The following PRKD1 variants were observed in gnomAD, a reference collection of about 807,000 sequenced individuals.
PRKD1 encodes serine/threonine-protein kinase D1.
Under a neutral mutation model 95.9 loss-of-function variants are expected in PRKD1, and 63 were observed. The observed-to-expected ratio is 0.66, with a 90% confidence interval of 0.54 to 0.81. The LOEUF (loss-of-function observed/expected upper bound fraction) is 0.81, where lower values mean the gene tolerates loss of function less well. PRKD1 is among the 30% of genes least tolerant of loss of function. The pLI, the probability that PRKD1 is intolerant of heterozygous loss-of-function variation, is 0.00. For missense variants in PRKD1, 1,048 were observed against 1,165.3 expected (o/e 0.90, Z 1.47); for synonymous variants, 425 against 423.1 (o/e 1.00, Z -0.05).
chr14:29,876,197 C>G (rs10141687), intron 1 of PRKD1, among the ~76,000 whole-genome samples: 5,305 of 152,276 alleles, frequency 0.035, 116 homozygotes, highest in East Asian at 0.061. Context: ...CAAAAACAGT[C>G]AGTGTCCCTG....
intron 1 of PRKD1, among the ~76,000 whole-genome samples, chr14:29,743,472 A>G (rs1399063394): frequency 6.6e-6 from 1 of 152,094 alleles, no homozygotes; most frequent in African/African-American, 2.4e-5. Context: ...GCAGAGAACC[A>G]AAAAAAATTT....
At chr14:29,676,776 A>G (rs1267149183) in intron 2 of PRKD1, among the ~76,000 whole-genome samples, 2 of 152,216 alleles carry the variant, frequency 1.3e-5, no homozygotes, top group African/African-American at 4.8e-5. Context: ...GATTTAGAGT[A>G]GGACATGGAC....
At chr14:29,861,905 G>A (rs531660547) in intron 1 of PRKD1, among the ~76,000 whole-genome samples, 2 of 152,210 alleles carry the variant, frequency 1.3e-5, no homozygotes, top group Middle Eastern at 3.4e-3. Context: ...ACCCACCTTG[G>A]CCTCCCAAAG....
At chr14:29,677,578 GTTGT>G (rs1467424599) in intron 2 of PRKD1, among the ~76,000 whole-genome samples, 1 of 152,052 alleles carries the variant, frequency 6.6e-6, no homozygotes, top group Admixed American at 6.5e-5. Flanking sequence ...GTTTTTTGTT[GTTGT>G]TTGTTTGTTT....
At chr14:29,918,527 T>C (rs1191531696) in intron 1 of PRKD1, among the ~76,000 whole-genome samples, 1 of 152,202 alleles carries the variant, frequency 6.6e-6, no homozygotes, top group Non-Finnish European at 1.5e-5. Context: ...ATACTTGCCG[T>C]AACACAAGTG....
intron 16 of PRKD1, among the ~76,000 whole-genome samples, chr14:29,581,041 CA>C (rs915824868): frequency 2.2e-3 from 300 of 137,328 alleles, no homozygotes; most frequent in Middle Eastern, 3.7e-3. Context: ...CTACTCAAAG[CA>C]AAAAAAAAAA....
At chr14:29,614,503 T>C (rs1878708854) in intron 13 of PRKD1, among the ~76,000 whole-genome samples, 1 of 152,182 alleles carries the variant, frequency 6.6e-6, no homozygotes, top group African/African-American at 2.4e-5. Flanking sequence ...TTTAATTCGA[T>C]TTCATTAAAT....
chr14:29,853,989 A>C (rs1892406904), intron 1 of PRKD1, among the ~76,000 whole-genome samples: 1 of 152,214 alleles, frequency 6.6e-6, no homozygotes, highest in Non-Finnish European at 1.5e-5. Flanking sequence ...CTGTAAGTCC[A>C]TTAAACCTCT....
chr14:29,630,136 T>C (rs1367319302), intron 10 of PRKD1, among the ~76,000 whole-genome samples: 1 of 151,808 alleles, frequency 6.6e-6, no homozygotes, highest in Non-Finnish European at 1.5e-5. Flanking sequence ...TGAAGCTGGC[T>C]AGATTTCTCC....
chr14:29,726,240 T>A (rs965670480), intron 1 of PRKD1, among the ~76,000 whole-genome samples: 5 of 152,176 alleles, frequency 3.3e-5, no homozygotes, highest in Non-Finnish European at 7.4e-5. Context: ...CTTCTGCTGC[T>A]GCCCCTACTG....
chr14:29,763,263 C>T (rs1193948653), intron 1 of PRKD1, among the ~76,000 whole-genome samples: 1 of 148,698 alleles, frequency 6.7e-6, no homozygotes. Flanking sequence ...TGCCCCTGCA[C>T]TCCAACCTGG....
intron 1 of PRKD1, among the ~76,000 whole-genome samples, chr14:29,746,601 T>C (rs915182013): frequency 2.6e-5 from 4 of 152,018 alleles, no homozygotes; most frequent in Non-Finnish European, 4.4e-5. Context: ...GGAGCGACTG[T>C]GTGTGTGCTT....
chr14:29,780,494 T>G (rs1888994380), intron 1 of PRKD1, among the ~76,000 whole-genome samples: 1 of 152,158 alleles, frequency 6.6e-6, no homozygotes, highest in Admixed American at 6.5e-5. Context: ...GAACAGACAC[T>G]TCTCAAAAGA....
At chr14:29,594,855 C>A (rs1893245860) in intron 16 of PRKD1, among the ~76,000 whole-genome samples, 2 of 152,170 alleles carry the variant, frequency 1.3e-5, no homozygotes, top group Admixed American at 6.5e-5. Flanking sequence ...GGAATTATTT[C>A]TTCTCAATAA....
chr14:29,707,672 A>T (rs1441031087), intron 2 of PRKD1, among the ~76,000 whole-genome samples: 1 of 152,168 alleles, frequency 6.6e-6, no homozygotes, highest in East Asian at 1.9e-4. Context: ...TTCCACCTCC[A>T]AACTAGGGCA....
chr14:29,656,699 T>C (rs1881863368), intron 4 of PRKD1, among the ~76,000 whole-genome samples: 1 of 152,162 alleles, frequency 6.6e-6, no homozygotes, highest in Non-Finnish European at 1.5e-5. Flanking sequence ...CAAACTACAT[T>C]TAATATTTAA....
intron 4 of PRKD1, among the ~76,000 whole-genome samples, chr14:29,640,011 G>GA (rs1880657800): frequency 6.6e-6 from 1 of 152,162 alleles, no homozygotes; most frequent in Non-Finnish European, 1.5e-5. Context: ...AGAATCATCA[G>GA]AATAAGATAA....
intron 1 of PRKD1, among the ~76,000 whole-genome samples, chr14:29,733,295 G>T (rs946674749): frequency 4.0e-5 from 6 of 151,508 alleles, no homozygotes; most frequent in African/African-American, 1.5e-4. Flanking sequence ...GTACAGACGG[G>T]TTTTCACCGT....
intron 1 of PRKD1, among the ~76,000 whole-genome samples, chr14:29,807,170 C>T (rs149184456): frequency 1.1e-3 from 165 of 152,246 alleles, no homozygotes; most frequent in African/African-American, 3.7e-3. Context: ...TCTGATGCCG[C>T]TGATCTGACA....
Sources: allele counts gnomAD v4.1 joint callset (sites outside exome capture counted in the v4.1 genomes callset), GRCh38; gene constraint gnomAD v4.1.1; transcripts MANE v1.5; gene names NCBI Gene and HGNC (gene_info 2026-07-23, HGNC 2026-07-21).